The following LHFPL3 variants were observed in gnomAD, a reference collection of about 807,000 sequenced individuals.
LHFPL3 encodes LHFPL tetraspan subfamily member 3.
LHFPL3 carries 5 observed loss-of-function variants against 19.3 expected under a neutral mutation model. The observed-to-expected ratio is 0.26, with a 90% CI of 0.14 to 0.54. The LOEUF is 0.54. Among genes scored for constraint, LHFPL3 ranks in the 20% least tolerant of loss-of-function variants. The probability of loss-of-function intolerance (pLI) is 0.94; values close to 1 mark genes in which losing one functional copy is unlikely to be tolerated. For synonymous variants in LHFPL3, 133 were observed against 126.2 expected, an observed-to-expected ratio of 1.05 and a Z score of -0.36; for missense variants, 249 against 307.4, an observed-to-expected ratio of 0.81 and a Z score of 1.42.
chr7:104,691,549 G>A (rs1232219179), intron 1 of LHFPL3, among the ~76,000 whole-genome samples: 1 of 152,276 alleles, frequency 6.6e-6, no homozygotes, highest in Non-Finnish European at 1.5e-5. Flanking sequence ...CACCTGCTGT[G>A]CATTTTGCTT....
At chr7:104,557,042 T>C (rs949072373) in intron 1 of LHFPL3, among the ~76,000 whole-genome samples, 2 of 152,200 alleles carry the variant, frequency 1.3e-5, no homozygotes, top group Non-Finnish European at 2.9e-5. Context: ...ATTGTCCATA[T>C]TATTATCAAC....
At chr7:104,621,976 C>T (rs1295245057) in intron 1 of LHFPL3, among the ~76,000 whole-genome samples, 2 of 152,214 alleles carry the variant, frequency 1.3e-5, no homozygotes, top group African/African-American at 2.4e-5. Flanking sequence ...CCAGAAGATA[C>T]AGCACATGTG....
chr7:104,356,353 G>A (rs1790275365), intron 1 of LHFPL3, among the ~76,000 whole-genome samples: 1 of 152,204 alleles, frequency 6.6e-6, no homozygotes, highest in Non-Finnish European at 1.5e-5. Flanking sequence ...CCTTAACTTA[G>A]GTGAGGACTA....
At chr7:104,859,486 T>A (rs181963254) in intron 2 of LHFPL3, among the ~76,000 whole-genome samples, 1 of 151,892 alleles carries the variant, frequency 6.6e-6, no homozygotes, top group African/African-American at 2.4e-5. Flanking sequence ...CTGGCCAACA[T>A]AGTGAAACCC....
chr7:104,879,964 G>A (rs910797805), intron 2 of LHFPL3, among the ~76,000 whole-genome samples: 4 of 152,162 alleles, frequency 2.6e-5, no homozygotes, highest in Admixed American at 6.5e-5. Context: ...GGCTGAATCA[G>A]GAGGATGGCT....
At chr7:104,774,627 A>T (rs1794611837) in intron 2 of LHFPL3, among the ~76,000 whole-genome samples, 1 of 152,228 alleles carries the variant, frequency 6.6e-6, no homozygotes, top group African/African-American at 2.4e-5. Flanking sequence ...GCAAAAACTT[A>T]TCACTGTGTT....
chr7:104,825,169 T>C (rs915150315), intron 2 of LHFPL3, among the ~76,000 whole-genome samples: 9 of 151,562 alleles, frequency 5.9e-5, no homozygotes, highest in Admixed American at 2.0e-4. Context: ...AGGAGGACCA[T>C]AGAAGGAACT....
chr7:104,906,348 G>A lies in LHFPL3; in HGVS notation c.*133G>A. ...AGAGTATATAGATGAATATGAACAA[G>A]AATGGAACATTCACTTGTCAACGCA... is the stretch of plus-strand genomic sequence containing the variant. On this transcript the variant is annotated 3_prime_UTR_variant, in exon 3 of 3. Transcript: ENST00000424859. 1 of 1,037,872 alleles carries A rather than the reference G, an allele frequency of 9.6e-7. No individual in the cohort carries two copies. Among genetic ancestry groups the A allele is most frequent in the Non-Finnish European group, 1.4e-6 (1 of 708,396 alleles). The allele number at this position is 1,037,872 out of a possible 1,614,324, so 64.3% of individuals were successfully genotyped here.
In LHFPL3 at chr7:104,593,747, G is replaced by T. The variant is rs371332000; in HGVS notation, c.446-142928G>T. On this transcript the variant is annotated intron_variant, in intron 1 of 2. Coordinates refer to ENST00000424859, the MANE Select transcript of LHFPL3 (RefSeq NM_199000.3). ...CCTGTATTGGGTGCATATATATTTA[G>T]GATAGTTAGCTCTTCTTGTTGAATT... Among the ~76,000 whole-genome samples, 32 of 152,220 alleles carry T rather than the reference G, an allele frequency of 2.1e-4. No individual in the cohort carries two copies. In the East Asian group the frequency reaches 2.5e-3, roughly 12 times the overall value.
At chr7:104,593,523 G>A (rs528514804) in intron 1 of LHFPL3, among the ~76,000 whole-genome samples, 1 of 152,268 alleles carries the variant, frequency 6.6e-6, no homozygotes, top group South Asian at 2.1e-4. Context: ...CTGTTGATTT[G>A]GGGTGGAGAG....
chr7:104,338,093 CTTTT>C (rs71296520), intron 1 of LHFPL3, among the ~76,000 whole-genome samples: 7 of 85,846 alleles, frequency 8.2e-5, no homozygotes, highest in African/African-American at 9.4e-5. Flanking sequence ...TTTCCTTTTT[CTTTT>C]TTTTTTTTTT....
intron 2 of LHFPL3, among the ~76,000 whole-genome samples, chr7:104,750,292 C>T (rs971134974): frequency 3.3e-5 from 5 of 151,928 alleles, no homozygotes; most frequent in East Asian, 1.9e-4. Context: ...CTGTTTTCCT[C>T]AAATAATGGC....
intron 2 of LHFPL3, among the ~76,000 whole-genome samples, chr7:104,839,096 T>C (rs1018636620): frequency 6.6e-6 from 1 of 152,114 alleles, no homozygotes; most frequent in Non-Finnish European, 1.5e-5. Context: ...AGGTTCCTAG[T>C]AGGCTGTGAG....
intron 2 of LHFPL3, among the ~76,000 whole-genome samples, chr7:104,824,148 CAA>C (rs1262797973): frequency 0.021 from 181 of 8,672 alleles, 43 homozygotes; most frequent in South Asian, 0.14. Context: ...TTCTCTGTTT[CAA>C]AAAAAATATA....
chr7:104,865,344 T>G (rs562557259), intron 2 of LHFPL3, among the ~76,000 whole-genome samples: 2 of 151,946 alleles, frequency 1.3e-5, no homozygotes, highest in East Asian at 3.9e-4. Context: ...ATTAGACGAA[T>G]GGCTAACTAG....
In LHFPL3 at chr7:104,856,228, C is replaced by G. The variant is rs140989416; in HGVS notation, c.683-49959C>G. ...TGCACTCTGCCCAGATCTCCTGATT[C>G]TGTCCCAGGAAATTTTTTTTTTTTT... On this transcript the variant is annotated intron_variant, in intron 2 of 2. Coordinates refer to ENST00000424859, the MANE Select transcript of LHFPL3 (RefSeq NM_199000.3). 8.5e-3 allele frequency among the ~76,000 whole-genome samples: 1,213 copies of G among 142,208 alleles called. 18 individuals are homozygous for G. The highest frequency in any genetic ancestry group is 0.03 in the African/African-American group (1,140 of 38,520). 93.3% of individuals were successfully genotyped at this position (142,208 alleles called of 152,430 possible).
intron 1 of LHFPL3, among the ~76,000 whole-genome samples, chr7:104,486,471 G>A (rs1199744109): frequency 6.6e-6 from 1 of 152,122 alleles, no homozygotes; most frequent in Non-Finnish European, 1.5e-5. Context: ...GTGTGATGAG[G>A]GCCCACTTTC....
intron 1 of LHFPL3, among the ~76,000 whole-genome samples, chr7:104,690,339 G>A (rs569712540): frequency 1.3e-5 from 2 of 152,350 alleles, no homozygotes; most frequent in South Asian, 4.1e-4. Flanking sequence ...CCCACCAGAA[G>A]CAATTTGCCT....
chr7:104,799,158 T>A lies in LHFPL3; in HGVS notation c.682+62247T>A, dbSNP rs935869342. Among the ~76,000 whole-genome samples, 4 of 152,168 alleles carry A rather than the reference T, an allele frequency of 2.6e-5. No homozygotes were observed. The East Asian group carries it at 5.8e-4, about 22-fold the overall frequency. On this transcript the variant is annotated intron_variant, in intron 2 of 2. Coordinates refer to ENST00000424859, the MANE Select transcript of LHFPL3 (RefSeq NM_199000.3). The stretch of plus-strand genomic sequence containing the variant: ...AAGATGTTCAATTTTCAGATTTTAT[T>A]TTTGCCCTGTTCTCAAATGCAGTCA...
Sources: gnomAD v4.1 joint callset for allele counts (sites outside exome capture counted in the v4.1 genomes callset) on GRCh38, gnomAD v4.1.1 for gene constraint, MANE v1.5 for transcripts, NCBI Gene and HGNC (gene_info 2026-07-23, HGNC 2026-07-21) for gene names.